The following CAMTA1 variants were observed in gnomAD, a reference collection of about 807,000 sequenced individuals.
The protein encoded by CAMTA1 is calmodulin-binding transcription activator 1.
Under a neutral mutation model 170.9 loss-of-function variants are expected in CAMTA1, and 27 were observed. The observed-to-expected ratio is 0.16, with a 90% CI of 0.12 to 0.22. The LOEUF is 0.22. Among genes scored for constraint, CAMTA1 ranks in the 10% least tolerant of loss-of-function variants. The probability of loss-of-function intolerance (pLI) is 1.00; values close to 1 mark genes in which losing one functional copy is unlikely to be tolerated. For missense variants in CAMTA1, 1,619 were observed against 2,217.2 expected (o/e 0.73, Z 5.42); for synonymous variants, 833 against 891.5 (o/e 0.93, Z 1.17).
In CAMTA1 at chr1:7,018,003, C is replaced by T. The variant is rs149197864; in HGVS notation, c.235-73301C>T. Among the ~76,000 whole-genome samples, 379 of 151,942 alleles carry T rather than the reference C, an allele frequency of 2.5e-3. 1 individual carries two copies. Among genetic ancestry groups the T allele is most frequent in the Middle Eastern group, 6.8e-3 (2 of 294 alleles). On this transcript the variant is annotated intron_variant, in intron 3 of 22. Coordinates refer to ENST00000303635, the MANE Select transcript of CAMTA1 (RefSeq NM_015215.4). ...TTTCTGAGACATGGTTTCACTGTCACCCAGGCTGTAGCACAGTGGTGCGAT... is the reference window on the plus strand; with the variant it reads ...TTTCTGAGACATGGTTTCACTGTCATCCAGGCTGTAGCACAGTGGTGCGAT...
intron 5 of CAMTA1, among the ~76,000 whole-genome samples, chr1:7,400,741 G>C (rs1388164880): frequency 6.6e-6 from 1 of 152,138 alleles, no homozygotes; most frequent in Non-Finnish European, 1.5e-5. Flanking sequence ...AGTTTCTTTT[G>C]CTGTATCAAT....
intron 3 of CAMTA1, among the ~76,000 whole-genome samples, chr1:6,906,441 A>T (rs1678503322): frequency 6.6e-6 from 1 of 152,096 alleles, no homozygotes; most frequent in Non-Finnish European, 1.5e-5. Context: ...GCCTTAAATC[A>T]ACCAAAGAAG....
At position 7,575,513 on chromosome 1, in the gene CAMTA1, A is replaced by C. The variant is rs1270946530; in HGVS notation, c.511-64887A>C. On this transcript the variant is annotated intron_variant, in intron 6 of 22. Coordinates refer to ENST00000303635, the MANE Select transcript of CAMTA1 (RefSeq NM_015215.4). ...CCTGTCATGTGTACAGCCCTGAGGC[A>C]GGAGAAAGGAAATGAGATCTAAGCC... Among the ~76,000 whole-genome samples the C allele has an allele frequency of 2.0e-5, 3 of 152,362 alleles. No individual in the cohort carries two copies. The East Asian group carries it at 5.8e-4, about 29-fold the overall frequency.
Position 7,663,970 on chromosome 1 carries a change from A to G in CAMTA1, c.1423A>G (p.Lys475Glu), listed in dbSNP as rs1269988450. The G allele has an allele frequency of 1.2e-6, 2 of 1,613,868 alleles. No individual in the cohort carries two copies. Among genetic ancestry groups the G allele is most frequent in the South Asian group, 1.1e-5 (1 of 91,082 alleles). ...VLSTTLDGGR[K>E]IPETTMNFDP... ...CTCCACCACCCTCGACGGTGGCCGG[A>G]AGATTCCAGAAACCACCATGAACTT... The change falls in exon 9 of 23, where the codon AAG becomes GAG. Residue 475 changes from lysine to glutamate, a missense_variant. Physicochemically the swap from Lys to Glu is moderately conservative, Grantham distance 56 (BLOSUM62 1). Coordinates refer to ENST00000303635, the MANE Select transcript of CAMTA1 (RefSeq NM_015215.4).
In CAMTA1 at chr1:7,534,877, G is replaced by C. The variant is rs964019003; in HGVS notation, c.510+66976G>C. Among the ~76,000 whole-genome samples the C allele has an allele frequency of 6.6e-6, 1 of 152,124 alleles. No homozygotes were observed. The highest frequency in any genetic ancestry group is 6.6e-5 in the Admixed American group (1 of 15,262). On this transcript the variant is annotated intron_variant, in intron 6 of 22. Coordinates refer to ENST00000303635, the MANE Select transcript of CAMTA1 (RefSeq NM_015215.4). This position sits in a 1 kb window ranked among gnomAD's most constrained non-coding sequence, Gnocchi z 5.6. ...GCCAGAGGAAGTGGGTTTGCCTTTT[G>C]CCTGGTACAGATGACTCTGTCTCGA...
intron 6 of CAMTA1, among the ~76,000 whole-genome samples, chr1:7,621,274 G>C (rs1388767179): frequency 5.9e-5 from 9 of 152,226 alleles, no homozygotes; most frequent in Admixed American, 5.9e-4. Flanking sequence ...GACCCCCCAT[G>C]GTGGGTGCTG....
At position 7,751,227 on chromosome 1, in the gene CAMTA1, C is replaced by A; in HGVS notation, c.4718C>A (p.Ala1573Asp). ...GCACTTTATAAAAAGATGACACAGGCTGCCATCCTTATCCAGAGCAAATTC... is the reference window on the plus strand; with the variant it reads ...GCACTTTATAAAAAGATGACACAGGATGCCATCCTTATCCAGAGCAAATTC... ...QYALYKKMTQ[A>D]AILIQSKFRS... Residue 1573 changes from alanine to aspartate, a missense_variant, in exon 20 of 23, where the codon GCT becomes GAT. This residue lies in a region of CAMTA1 where 128 missense variants were observed against 213.5 expected (regional missense o/e 0.60). Coordinates refer to ENST00000303635, the MANE Select transcript of CAMTA1 (RefSeq NM_015215.4). 1 of 1,599,630 alleles carries A rather than the reference C, an allele frequency of 6.3e-7. No individual in the cohort carries two copies. Among genetic ancestry groups the A allele is most frequent in the Non-Finnish European group, 8.5e-7 (1 of 1,175,730 alleles).
chr1:7,118,147 C>G (rs1224395351), intron 4 of CAMTA1, among the ~76,000 whole-genome samples: 1 of 152,078 alleles, frequency 6.6e-6, no homozygotes, highest in Non-Finnish European at 1.5e-5. Context: ...ATGGGTACAG[C>G]CAGCTCTGAT....
intron 5 of CAMTA1, among the ~76,000 whole-genome samples, chr1:7,375,584 T>C (rs705695): frequency 0.63 from 95,663 of 152,048 alleles, 31,945 homozygotes; most frequent in Middle Eastern, 0.75. Flanking sequence ...GTTGAGGTGT[T>C]CAGCCATCAA....
In CAMTA1 at chr1:7,157,790, CAG is replaced by C. The variant is rs563784096; in HGVS notation, c.302+66420_302+66421del. 2.0e-4 allele frequency among the ~76,000 whole-genome samples: 31 copies of C among 152,280 alleles called. 1 individual carries two copies. The South Asian group carries it at 4.4e-3, about 21-fold the overall frequency. On this transcript the variant is annotated intron_variant, in intron 4 of 22. Transcript: ENST00000303635. ...TAGTCACTGAAAACAGAAAGCAACT[CAG>C]GGGTCTACCAACAGGTGAGTGGACA...
rs2091896292 is a variant in CAMTA1 at position 7,426,821 on chromosome 1, T to C, written c.439-41009T>C. On this transcript the variant is annotated intron_variant, in intron 5 of 22. Coordinates refer to ENST00000303635, the MANE Select transcript of CAMTA1 (RefSeq NM_015215.4). This position sits in a 1 kb window ranked among gnomAD's most constrained non-coding sequence, Gnocchi z 4.8. ...CTTAAAAATAATGGCTTTCGTAGAA[T>C]TGCAAAATTAGAGTTAAAAAGACCT... is the stretch of plus-strand genomic sequence containing the variant. 2.6e-5 allele frequency among the ~76,000 whole-genome samples: 4 copies of C among 152,172 alleles called. No individual in the cohort carries two copies. The South Asian group carries it at 8.3e-4, about 32-fold the overall frequency.
chr1:6,879,097 G>A (rs1049805666), intron 3 of CAMTA1, among the ~76,000 whole-genome samples: 4 of 152,090 alleles, frequency 2.6e-5, no homozygotes, highest in South Asian at 2.1e-4. Flanking sequence ...TAGAGTTTCC[G>A]CTTGAAAAAG....
At chr1:7,434,225 A>G (rs755031104) in intron 5 of CAMTA1, among the ~76,000 whole-genome samples, 28 of 152,144 alleles carry the variant, frequency 1.8e-4, no homozygotes, top group Non-Finnish European at 3.5e-4. Flanking sequence ...CTCTTTCCCA[A>G]GGGATCAGCT....
chr1:7,157,208 G>A (rs941861571), intron 4 of CAMTA1, among the ~76,000 whole-genome samples: 2 of 151,718 alleles, frequency 1.3e-5, no homozygotes, highest in Non-Finnish European at 2.9e-5. Flanking sequence ...AGCCGGGCGT[G>A]GTGGCAGGCA....
intron 3 of CAMTA1, among the ~76,000 whole-genome samples, chr1:7,055,802 G>A (rs1274204946): frequency 1.3e-5 from 2 of 152,236 alleles, no homozygotes; most frequent in Admixed American, 6.5e-5. Context: ...GCACACTGGG[G>A]GCCCAGGCCA....
At chr1:7,515,012 C>T (rs1174465292) in intron 6 of CAMTA1, among the ~76,000 whole-genome samples, 3 of 152,042 alleles carry the variant, frequency 2.0e-5, no homozygotes, top group African/African-American at 2.4e-5. Context: ...CTCCCCTGCT[C>T]CCTTCACCTG....
intron 4 of CAMTA1, among the ~76,000 whole-genome samples, chr1:7,236,982 C>T (rs890455186): frequency 1.1e-4 from 16 of 152,182 alleles, no homozygotes; most frequent in African/African-American, 3.9e-4. Context: ...TGTCTTGTCA[C>T]GGGAGCCTGA....
At chr1:7,702,730 T>C (rs2096455239) in intron 11 of CAMTA1, among the ~76,000 whole-genome samples, 1 of 152,172 alleles carries the variant, frequency 6.6e-6, no homozygotes. Flanking sequence ...AAAGTGCACA[T>C]ATTCTAAGTA....
intron 5 of CAMTA1, among the ~76,000 whole-genome samples, chr1:7,357,753 C>T (rs1224971160): frequency 6.6e-6 from 1 of 152,200 alleles, no homozygotes; most frequent in Non-Finnish European, 1.5e-5. Context: ...TCTTATGACT[C>T]AGTGCTTCTG....
Sources: gnomAD v4.1 joint callset for allele counts (sites outside exome capture counted in the v4.1 genomes callset) on GRCh38, gnomAD v4.1.1 for gene constraint, gnomAD v4.1.1 regional missense constraint, Gnocchi (gnomAD v3.1) non-coding constraint, MANE v1.5 for transcripts, NCBI Gene and HGNC (gene_info 2026-07-23, HGNC 2026-07-21) for gene names.